Variants in CSMD1 observed in about 807,000 individuals in gnomAD.
CSMD1 encodes CUB and Sushi multiple domains 1.
In CSMD1, 213 loss-of-function variants were observed where a neutral mutation model predicts 417.5. The ratio of observed to expected loss-of-function variants is 0.51; its 90% CI spans 0.46 to 0.57. CSMD1 has a LOEUF of 0.57. CSMD1 is among the 20% of genes least tolerant of loss of function. The pLI, the probability that CSMD1 is intolerant of heterozygous loss-of-function variation, is 0.00. For synonymous variants in CSMD1, 2,862 were observed against 1,736.8 expected, an observed-to-expected ratio of 1.65 and a Z score of -16.11; for missense variants, 6,923 against 4,529.7, an observed-to-expected ratio of 1.53 and a Z score of -15.17.
intron 3 of CSMD1, among the ~76,000 whole-genome samples, chr8:4,044,512 G>T (rs558089333): frequency 1.3e-5 from 2 of 152,194 alleles, no homozygotes; most frequent in Non-Finnish European, 2.9e-5. Flanking sequence ...AGGGAGGAAG[G>T]ACAGTCAGGA....
chr8:4,167,332 G>C (rs956233973), intron 3 of CSMD1, among the ~76,000 whole-genome samples: 1 of 152,136 alleles, frequency 6.6e-6, no homozygotes, highest in South Asian at 2.1e-4. Flanking sequence ...AGGTATCTAA[G>C]TAAGACTTTG....
chr8:4,136,846 G>T (rs1349366248), intron 3 of CSMD1, among the ~76,000 whole-genome samples: 1 of 152,082 alleles, frequency 6.6e-6, no homozygotes, highest in African/African-American at 2.4e-5. Context: ...ACAAACTCTA[G>T]GTTTGCTTTG....
chr8:4,328,001 T>G (rs1431483208), intron 3 of CSMD1, among the ~76,000 whole-genome samples: 1 of 152,216 alleles, frequency 6.6e-6, no homozygotes, highest in Non-Finnish European at 1.5e-5. Flanking sequence ...TAAACTTTAT[T>G]CATTTGGGAA....
intron 1 of CSMD1, among the ~76,000 whole-genome samples, chr8:4,977,922 T>C (rs1378476911): frequency 1.3e-5 from 2 of 152,192 alleles, no homozygotes; most frequent in Non-Finnish European, 2.9e-5. Flanking sequence ...AGGTGTCCAA[T>C]ACCCAAGACC....
chr8:4,019,290 A>T (rs1796671412), intron 4 of CSMD1, among the ~76,000 whole-genome samples: 1 of 152,090 alleles, frequency 6.6e-6, no homozygotes, highest in African/African-American at 2.4e-5. Flanking sequence ...AGGGCGAGAG[A>T]GCTTATCACA....
At chr8:4,222,956 A>G (rs1801128476) in intron 3 of CSMD1, among the ~76,000 whole-genome samples, 1 of 152,242 alleles carries the variant, frequency 6.6e-6, no homozygotes, top group Non-Finnish European at 1.5e-5. Flanking sequence ...TCTTAAAAAA[A>G]AAATAATTTG....
chr8:3,717,276 T>A (rs1801892651), intron 6 of CSMD1, among the ~76,000 whole-genome samples: 1 of 152,204 alleles, frequency 6.6e-6, no homozygotes, highest in Non-Finnish European at 1.5e-5. Flanking sequence ...ATTAATCAAC[T>A]CTTTCAACGC....
chr8:3,600,880 T>C (rs1221717468), intron 8 of CSMD1, among the ~76,000 whole-genome samples: 3 of 152,144 alleles, frequency 2.0e-5, no homozygotes, highest in South Asian at 2.1e-4. Flanking sequence ...ATTAAATAAA[T>C]GATTTCAATA....
chr8:4,104,015 G>A (rs1246600105), intron 3 of CSMD1, among the ~76,000 whole-genome samples: 1 of 152,114 alleles, frequency 6.6e-6, no homozygotes, highest in African/African-American at 2.4e-5. Flanking sequence ...ACCTGCACAG[G>A]CCTGTCCCTG....
intron 3 of CSMD1, among the ~76,000 whole-genome samples, chr8:4,156,835 A>G (rs1796862189): frequency 6.6e-6 from 1 of 151,788 alleles, no homozygotes; most frequent in East Asian, 1.9e-4. Flanking sequence ...TATGAACACA[A>G]TCACAGGGAG....
intron 2 of CSMD1, among the ~76,000 whole-genome samples, chr8:4,439,081 T>G (rs1255083528): frequency 6.6e-6 from 1 of 152,228 alleles, no homozygotes; most frequent in African/African-American, 2.4e-5. Flanking sequence ...CCATCCTATT[T>G]CATCTGTATT....
At chr8:4,059,973 G>A (rs552021045) in intron 3 of CSMD1, among the ~76,000 whole-genome samples, 58 of 152,166 alleles carry the variant, frequency 3.8e-4, no homozygotes, top group African/African-American at 1.0e-3. Context: ...TACCAAAGCC[G>A]GGCAGAGACA....
At chr8:4,377,455 C>T (rs955212932) in intron 3 of CSMD1, among the ~76,000 whole-genome samples, 2 of 152,098 alleles carry the variant, frequency 1.3e-5, no homozygotes, top group Admixed American at 6.6e-5. Context: ...ATTTTTTCCC[C>T]CTTAAATTAC....
chr8:3,900,354 G>A (rs1020950811), intron 5 of CSMD1, among the ~76,000 whole-genome samples: 1 of 151,680 alleles, frequency 6.6e-6, no homozygotes, highest in Non-Finnish European at 1.5e-5. Context: ...AGTGTAGCTG[G>A]TTGACAGCAC....
rs145929383 is a variant in CSMD1, at chr8:3,905,937, G to C, written c.818+91966C>G. Among the ~76,000 whole-genome samples, 1,069 of 152,190 alleles carry C rather than the reference G, an allele frequency of 7.0e-3. 16 individuals are homozygous for C. The highest frequency in any genetic ancestry group is 0.025 in the African/African-American group (1,026 of 41,498). ...TGGGCCAATTTATAACCATGTTTTT[G>C]GTGCCCCTCAACCATACCTTTTGAT... On this transcript the variant is annotated intron_variant, in intron 5 of 69. Transcript: ENST00000635120.
intron 52 of CSMD1, among the ~76,000 whole-genome samples, chr8:3,012,405 A>G (rs988099434): frequency 7.9e-5 from 12 of 152,190 alleles, no homozygotes; most frequent in Admixed American, 2.6e-4. Flanking sequence ...GCAATACTCA[A>G]AAAGGATTCC....
intron 4 of CSMD1, among the ~76,000 whole-genome samples, chr8:4,010,817 G>A (rs1199651347): frequency 6.6e-6 from 1 of 152,096 alleles, no homozygotes; most frequent in Non-Finnish European, 1.5e-5. Context: ...AACACCTTTG[G>A]TTCCAGTCTA....
At chr8:3,709,693 T>A (rs1248090736) in intron 6 of CSMD1, among the ~76,000 whole-genome samples, 1 of 121,064 alleles carries the variant, frequency 8.3e-6, no homozygotes, top group Non-Finnish European at 1.8e-5. Context: ...TTTTTTTTTT[T>A]TTTTTTTTTT....
At chr8:3,382,539 T>TATAAATTTATATAAATATA (rs1810702923) in intron 18 of CSMD1, among the ~76,000 whole-genome samples, 8 of 37,110 alleles carry the variant, frequency 2.2e-4, no homozygotes, top group Admixed American at 1.8e-3. Flanking sequence ...AAATATATAT[T>TATAAATTTATATAAATATA]TATTATTAGC....
Sources: gnomAD v4.1 joint callset for allele counts (sites outside exome capture counted in the v4.1 genomes callset) on GRCh38, gnomAD v4.1.1 for gene constraint, MANE v1.5 for transcripts, NCBI Gene and HGNC (gene_info 2026-07-23, HGNC 2026-07-21) for gene names.